Variants in GPC5 observed in about 807,000 individuals in gnomAD.
GPC5 encodes glypican 5.
Under a neutral mutation model 53.9 loss-of-function variants are expected in GPC5, and 47 were observed. That is an observed-to-expected ratio of 0.87 (90% CI 0.69 to 1.11). The LOEUF is 1.11. GPC5 is among the 50% of genes most tolerant of loss of function. GPC5 has a pLI of 0.00. For missense variants in GPC5, 748 were observed against 713.1 expected, an observed-to-expected ratio of 1.05 and a Z score of -0.56; for synonymous variants, 286 against 263.3, an observed-to-expected ratio of 1.09 and a Z score of -0.84.
intron 7 of GPC5, among the ~76,000 whole-genome samples, chr13:92,168,117 C>T (rs1244344715): frequency 6.6e-6 from 1 of 152,128 alleles, no homozygotes; most frequent in Non-Finnish European, 1.5e-5. Flanking sequence ...CCACAGAGTC[C>T]TAACACTGGG....
At chr13:91,871,403 TG>T (rs1460449909) in intron 5 of GPC5, among the ~76,000 whole-genome samples, 1 of 152,042 alleles carries the variant, frequency 6.6e-6, no homozygotes, top group African/African-American at 2.4e-5. Flanking sequence ...CACTGGGTAC[TG>T]GGCTTAATGC....
At chr13:92,680,111 C>T (rs992571942) in intron 7 of GPC5, among the ~76,000 whole-genome samples, 3 of 152,208 alleles carry the variant, frequency 2.0e-5, no homozygotes, top group African/African-American at 2.4e-5. Context: ...CATATTTTCT[C>T]GGTTAAACTA....
At chr13:92,089,271 A>G (rs1245935656) in intron 6 of GPC5, among the ~76,000 whole-genome samples, 1 of 152,140 alleles carries the variant, frequency 6.6e-6, no homozygotes, top group Non-Finnish European at 1.5e-5. Flanking sequence ...TGTCTCTACT[A>G]AAAATACAAA....
intron 7 of GPC5, among the ~76,000 whole-genome samples, chr13:92,311,352 T>A (rs2043143677): frequency 6.6e-6 from 1 of 152,156 alleles, no homozygotes; most frequent in African/African-American, 2.4e-5. Context: ...ATTGGGCTCA[T>A]CTTCTGCTAG....
At chr13:91,884,565 C>T (rs866055136) in intron 5 of GPC5, among the ~76,000 whole-genome samples, 6 of 152,052 alleles carry the variant, frequency 3.9e-5, no homozygotes, top group Admixed American at 1.3e-4. Flanking sequence ...TGAACACAGA[C>T]GGGAACAACA....
rs1879342589 is a variant in GPC5 at position 92,866,526 on chromosome 13, T to A, written c.*87T>A. 9.3e-7 allele frequency: 1 copy of A among 1,071,614 alleles called. No homozygotes were observed. Among genetic ancestry groups the A allele is most frequent in the African/African-American group, 1.6e-5 (1 of 61,816 alleles). 66.4% of individuals were successfully genotyped at this position (1,071,614 alleles called of 1,614,324 possible). On this transcript the variant is annotated 3_prime_UTR_variant, in exon 8 of 8. Coordinates refer to ENST00000377067, the MANE Select transcript of GPC5 (RefSeq NM_004466.6). ...CCTGGAATAAGAGATCCTTTTTCAA[T>A]GTAACAATTATATTTATGAAAAGAT...
At chr13:91,710,997 C>G (rs762741988) in intron 3 of GPC5, among the ~76,000 whole-genome samples, 47 of 152,192 alleles carry the variant, frequency 3.1e-4, no homozygotes, top group Non-Finnish European at 5.0e-4. Context: ...TGCTTTTACA[C>G]TGTTGGTGGG....
At chr13:91,499,673 G>A (rs571927339) in intron 2 of GPC5, among the ~76,000 whole-genome samples, 14 of 152,114 alleles carry the variant, frequency 9.2e-5, no homozygotes, top group Admixed American at 1.3e-4. Flanking sequence ...CTCTCCAGGT[G>A]GTTACCTCGT....
rs556774961 is a variant in GPC5, at chr13:91,429,522, G to T, written c.164-19239G>T. On this transcript the variant is annotated intron_variant, in intron 1 of 7. Transcript: ENST00000377067. The stretch of plus-strand genomic sequence containing the variant: ...CTAACATAGGCCCTCAGAAAAGAAT[G>T]ACCTGAATATGGAAAGATGATAGAA... 3.3e-5 allele frequency among the ~76,000 whole-genome samples: 5 copies of T among 152,268 alleles called. No homozygotes were observed. The South Asian group carries it at 6.2e-4, about 19-fold the overall frequency.
intron 2 of GPC5, among the ~76,000 whole-genome samples, chr13:91,615,281 T>C (rs78972513): frequency 0.03 from 4,556 of 152,300 alleles, 71 homozygotes; most frequent in Middle Eastern, 0.054. Context: ...GCCTTTTGTA[T>C]ATGGCACAAG....
At chr13:92,570,846 A>C (rs1255863223) in intron 7 of GPC5, among the ~76,000 whole-genome samples, 15 of 152,288 alleles carry the variant, frequency 9.8e-5, no homozygotes, top group Non-Finnish European at 2.9e-5. Flanking sequence ...GTTGATCCTC[A>C]CAACAGCCAC....
intron 5 of GPC5, among the ~76,000 whole-genome samples, chr13:91,820,365 A>C (rs2038472715): frequency 6.6e-6 from 1 of 152,148 alleles, no homozygotes; most frequent in African/African-American, 2.4e-5. Context: ...CATGTTTTTC[A>C]ACAAAGATAC....
At position 91,929,932 on chromosome 13, in the gene GPC5, T is replaced by C. The variant is rs189659092; in HGVS notation, c.1401+21875T>C. Among the ~76,000 whole-genome samples, 114 of 152,194 alleles carry C rather than the reference T, an allele frequency of 7.5e-4. 1 individual carries two copies. The highest frequency in any genetic ancestry group is 2.3e-3 in the African/African-American group (97 of 41,564). On this transcript the variant is annotated intron_variant, in intron 6 of 7. Coordinates refer to ENST00000377067, the MANE Select transcript of GPC5 (RefSeq NM_004466.6). ...ATTGATATAGATTATTTAGTAGTTATTACAAAATGATCTTTGGAGCAATAA... is the reference window on the plus strand; with the variant it reads ...ATTGATATAGATTATTTAGTAGTTACTACAAAATGATCTTTGGAGCAATAA...
chr13:92,286,726 G>A (rs534940425), intron 7 of GPC5, among the ~76,000 whole-genome samples: 29 of 148,086 alleles, frequency 2.0e-4, no homozygotes, highest in African/African-American at 7.0e-4. Flanking sequence ...CACACACTGG[G>A]GCCTGTTGTG....
chr13:92,519,374 G>A (rs1199805749), intron 7 of GPC5, among the ~76,000 whole-genome samples: 1 of 152,100 alleles, frequency 6.6e-6, no homozygotes, highest in Non-Finnish European at 1.5e-5. Flanking sequence ...CCACATAGTT[G>A]GAAGTAAAAC....
At chr13:91,676,432 C>T (rs1299061433) in intron 2 of GPC5, among the ~76,000 whole-genome samples, 2 of 152,006 alleles carry the variant, frequency 1.3e-5, no homozygotes, top group Admixed American at 6.6e-5. Flanking sequence ...AGCCAATATA[C>T]CATCATGGAT....
intron 5 of GPC5, among the ~76,000 whole-genome samples, chr13:91,801,453 T>C (rs1260518610): frequency 6.6e-6 from 1 of 152,198 alleles, no homozygotes; most frequent in Non-Finnish European, 1.5e-5. Flanking sequence ...CAGTTCTTCC[T>C]TGTGTTTCTT....
At chr13:91,934,228 C>T (rs552091867) in intron 6 of GPC5, among the ~76,000 whole-genome samples, 1 of 151,858 alleles carries the variant, frequency 6.6e-6, no homozygotes, top group South Asian at 2.1e-4. Flanking sequence ...GAGAGGTTGG[C>T]AATGATTTAG....
intron 7 of GPC5, among the ~76,000 whole-genome samples, chr13:92,370,456 C>T (rs2043641113): frequency 6.6e-6 from 1 of 151,994 alleles, no homozygotes; most frequent in Non-Finnish European, 1.5e-5. Flanking sequence ...GGGCTAAAGT[C>T]TCCACCTACT....
Sources: allele counts gnomAD v4.1 joint callset (sites outside exome capture counted in the v4.1 genomes callset), GRCh38; gene constraint gnomAD v4.1.1; transcripts MANE v1.5; gene names NCBI Gene and HGNC (gene_info 2026-07-23, HGNC 2026-07-21).